PARD3B: variants seen among roughly 807,000 people sequenced by gnomAD.
PARD3B encodes the protein par-3 family cell polarity regulator beta.
Under a neutral mutation model 130.2 loss-of-function variants are expected in PARD3B, and 103 were observed. The ratio of observed to expected loss-of-function variants is 0.79; its 90% CI spans 0.67 to 0.93. The LOEUF (loss-of-function observed/expected upper bound fraction) is 0.93. Among genes scored for constraint, PARD3B ranks in the 40% least tolerant of loss-of-function variants. The probability of loss-of-function intolerance (pLI) is 0.00; values close to 1 mark genes in which losing one functional copy is unlikely to be tolerated. For synonymous variants in PARD3B, 583 were observed against 553.2 expected, an observed-to-expected ratio of 1.05 and a Z score of -0.76; for missense variants, 1,609 against 1,499.2, an observed-to-expected ratio of 1.07 and a Z score of -1.21.
At position 205,209,206 on chromosome 2, in the gene PARD3B, T is replaced by A. The variant is rs537744413; in HGVS notation, c.2140+15886T>A. On this transcript the variant is annotated intron_variant, in intron 15 of 22. Transcript: ENST00000406610. ...AACTGGATCCCTTCCTTACACCTTA[T>A]ACAAAAATCAATTCAAGATGGATTA... Among the ~76,000 whole-genome samples the A allele has an allele frequency of 2.5e-3, 360 of 145,128 alleles. 2 individuals are homozygous for A. Among genetic ancestry groups the A allele is most frequent in the African/African-American group, 9.1e-3 (347 of 38,018 alleles).
chr2:204,654,497 G>T (rs926371238), intron 1 of PARD3B, among the ~76,000 whole-genome samples: 1 of 145,126 alleles, frequency 6.9e-6, no homozygotes, highest in South Asian at 2.1e-4. Flanking sequence ...GTGATGTTGG[G>T]TTTTTCTGCC....
At chr2:205,190,301 A>C (rs1408951326) in intron 14 of PARD3B, among the ~76,000 whole-genome samples, 1 of 152,184 alleles carries the variant, frequency 6.6e-6, no homozygotes, top group Non-Finnish European at 1.5e-5. Flanking sequence ...AGTTGGGTAG[A>C]TTCTCAGTCT....
chr2:205,106,102 G>A (rs1703189127), intron 5 of PARD3B, among the ~76,000 whole-genome samples: 1 of 151,514 alleles, frequency 6.6e-6, no homozygotes, highest in African/African-American at 2.4e-5. Flanking sequence ...TGAGAGAAAT[G>A]GAGTATAGGA....
intron 2 of PARD3B, among the ~76,000 whole-genome samples, chr2:204,939,009 A>G (rs1467254612): frequency 6.6e-6 from 1 of 152,228 alleles, no homozygotes; most frequent in Non-Finnish European, 1.5e-5. Context: ...ATATGGCTGG[A>G]TGGCATCAAA....
At chr2:204,648,086 A>G (rs2035335408) in intron 1 of PARD3B, among the ~76,000 whole-genome samples, 1 of 151,672 alleles carries the variant, frequency 6.6e-6, no homozygotes, top group African/African-American at 2.4e-5. Flanking sequence ...TGTAGCTTCA[A>G]AGGAGTTATT....
intron 2 of PARD3B, among the ~76,000 whole-genome samples, chr2:204,853,617 A>G (rs753128282): frequency 6.6e-6 from 1 of 152,180 alleles, no homozygotes; most frequent in Non-Finnish European, 1.5e-5. Flanking sequence ...CATAACAAAT[A>G]ACTAAATGAG....
chr2:204,738,763 G>T (rs1163983797), intron 2 of PARD3B, among the ~76,000 whole-genome samples: 1 of 152,064 alleles, frequency 6.6e-6, no homozygotes, highest in East Asian at 1.9e-4. Flanking sequence ...ATTCTCTCTT[G>T]CATTTCCCTT....
chr2:205,566,656 C>T (rs1054808148), intron 22 of PARD3B, among the ~76,000 whole-genome samples: 4 of 152,142 alleles, frequency 2.6e-5, no homozygotes, highest in Admixed American at 1.3e-4. Flanking sequence ...AGAGATGTCT[C>T]GACATGGATG....
intron 2 of PARD3B, among the ~76,000 whole-genome samples, chr2:204,829,879 G>C (rs1382590765): frequency 6.6e-6 from 1 of 151,692 alleles, no homozygotes; most frequent in Non-Finnish European, 1.5e-5. Context: ...GGCGCCTGTA[G>C]TCCCAGCTAC....
chr2:204,749,248 G>A (rs190825688), intron 2 of PARD3B, among the ~76,000 whole-genome samples: 1 of 152,028 alleles, frequency 6.6e-6, no homozygotes, highest in East Asian at 1.9e-4. Flanking sequence ...GGTTTCTAAG[G>A]GTATTGAAGC....
intron 22 of PARD3B, among the ~76,000 whole-genome samples, chr2:205,587,739 T>A (rs2054248826): frequency 6.6e-6 from 1 of 152,172 alleles, no homozygotes; most frequent in Admixed American, 6.5e-5. Context: ...TGACAAACGG[T>A]GAGAAAATAA....
chr2:204,991,914 T>A (rs1446651849), intron 3 of PARD3B, among the ~76,000 whole-genome samples: 3 of 150,858 alleles, frequency 2.0e-5, no homozygotes, highest in South Asian at 2.1e-4. Flanking sequence ...ACCCACTTTT[T>A]GATGGGGTTG....
At chr2:205,140,108 G>A (rs1429339906) in intron 10 of PARD3B, among the ~76,000 whole-genome samples, 1 of 152,238 alleles carries the variant, frequency 6.6e-6, no homozygotes, top group Non-Finnish European at 1.5e-5. Context: ...GCCAGGGGCA[G>A]CCGGCACATT....
chr2:205,178,053 C>G (rs754554297), intron 13 of PARD3B, among the ~76,000 whole-genome samples: 2 of 144,472 alleles, frequency 1.4e-5, no homozygotes, highest in East Asian at 4.1e-4. Flanking sequence ...CGCCTGTAAT[C>G]CCAGCACTTT....
rs1020395284 is a variant in PARD3B, at chr2:205,253,217, C to T, written c.2185+7395C>T. The T allele has an allele frequency of 5.1e-5, 21 of 410,040 alleles. No individual in the cohort carries two copies. The highest frequency in any genetic ancestry group is 2.0e-4 in the East Asian group (3 of 15,190). The allele number at this position is 410,040 out of a possible 1,614,324, so 25.4% of individuals were successfully genotyped here. A position where few individuals can be genotyped will look rare whatever the true frequency, so the allele number is the denominator to read the frequency against. ...GCAGGTGTTGACCAGCAATTTCCTGCGGCATTTACTTCTTGATAACAAGAG... is the reference window on the plus strand; with the variant it reads ...GCAGGTGTTGACCAGCAATTTCCTGTGGCATTTACTTCTTGATAACAAGAG... On this transcript the variant is annotated intron_variant, in intron 16 of 22. Coordinates refer to ENST00000406610, the MANE Select transcript of PARD3B (RefSeq NM_001302769.2). The surrounding 1 kb of genome is among the most constrained non-coding windows in gnomAD (Gnocchi z 4.4).
chr2:204,874,414 G>C (rs536084087), intron 2 of PARD3B, among the ~76,000 whole-genome samples: 8 of 152,168 alleles, frequency 5.3e-5, no homozygotes, highest in African/African-American at 1.9e-4. Flanking sequence ...GCTTAAAATG[G>C]GTAAAGAACC....
At chr2:205,192,503 A>G (rs2125804284) in intron 14 of PARD3B, among the ~76,000 whole-genome samples, 1 of 152,322 alleles carries the variant, frequency 6.6e-6, no homozygotes, top group East Asian at 1.9e-4. Context: ...TAATTCTCTT[A>G]TGTAATACCC....
At position 205,253,387 on chromosome 2, in the gene PARD3B, C is replaced by G. The variant is rs1040315966; in HGVS notation, c.2185+7565C>G. On this transcript the variant is annotated intron_variant, in intron 16 of 22. Coordinates refer to ENST00000406610, the MANE Select transcript of PARD3B (RefSeq NM_001302769.2). The surrounding 1 kb of genome is among the most constrained non-coding windows in gnomAD (Gnocchi z 4.4). ...GGACTGTGGGTCAGTGCTGACACAC[C>G]CATGGCCATACGTTTGGTCTTCTTG... The G allele has an allele frequency of 7.0e-6, 4 of 567,696 alleles. No homozygotes were observed. The highest frequency in any genetic ancestry group is 1.4e-5 in the Non-Finnish European group (4 of 282,116). 35.2% of individuals were successfully genotyped at this position (567,696 alleles called of 1,614,324 possible).
At chr2:204,611,654 G>A (rs2033926988) in intron 1 of PARD3B, among the ~76,000 whole-genome samples, 1 of 152,020 alleles carries the variant, frequency 6.6e-6, no homozygotes. Flanking sequence ...TATAAACAAC[G>A]AAAGGAAGAA....
Sources: gnomAD v4.1 joint callset for allele counts (sites outside exome capture counted in the v4.1 genomes callset) on GRCh38, gnomAD v4.1.1 for gene constraint, Gnocchi (gnomAD v3.1) non-coding constraint, MANE v1.5 for transcripts, NCBI Gene and HGNC (gene_info 2026-07-23, HGNC 2026-07-21) for gene names.